The following GOLGA3 variants were observed in gnomAD, a reference collection of about 807,000 sequenced individuals.
GOLGA3 encodes golgin subfamily A member 3.
Under a neutral mutation model 169.4 loss-of-function variants are expected in GOLGA3, and 75 were observed. The observed-to-expected ratio is 0.44, with a 90% CI of 0.37 to 0.54. The LOEUF is 0.54. GOLGA3 is among the 20% of genes least tolerant of loss of function. The pLI, the probability that GOLGA3 is intolerant of heterozygous loss-of-function variation, is 0.00. For synonymous variants in GOLGA3, 824 were observed against 822.4 expected, an observed-to-expected ratio of 1.00 and a Z score of -0.03; for missense variants, 1,899 against 1,930.0, an observed-to-expected ratio of 0.98 and a Z score of 0.30.
intron 15 of GOLGA3, among the ~76,000 whole-genome samples, chr12:132,786,083 G>A (rs1329372576): frequency 1.3e-5 from 2 of 152,238 alleles, no homozygotes; most frequent in Non-Finnish European, 2.9e-5. Context: ...ACTTCTCTGA[G>A]CCAAGGAGAT....
rs771300671 is a variant in GOLGA3 at position 132,782,415 on chromosome 12, G to C, written c.3346C>G (p.His1116Asp). The C allele has an allele frequency of 1.2e-6, 2 of 1,613,954 alleles. No individual in the cohort carries two copies. Among genetic ancestry groups the C allele is most frequent in the Admixed American group, 3.3e-5 (2 of 60,032 alleles). Reference sequence around the variant, plus strand: ...AGGCCCGTAAGCTTCCCTTTCTCGTGCTCTAATTCAAGAGCCAACTTCTTG... The same window carrying C: ...AGGCCCGTAAGCTTCCCTTTCTCGTCCTCTAATTCAAGAGCCAACTTCTTG... ...SNKKLALELE[H>D]EKGKLTGLGQ... Residue 1116 changes from histidine (H) to aspartate (D), a missense_variant, in exon 17 of 24, where the codon CAC becomes GAC. By Grantham distance (81) the His-to-Asp change is moderately conservative. Coordinates refer to ENST00000450791, the MANE Select transcript of GOLGA3 (RefSeq NM_001389683.1).
intron 2 of GOLGA3, among the ~76,000 whole-genome samples, chr12:132,820,847 C>T (rs1472354863): frequency 6.6e-6 from 1 of 152,124 alleles, no homozygotes; most frequent in Non-Finnish European, 1.5e-5. Flanking sequence ...CTCCTGTAAT[C>T]CCAGCACTTT....
intron 2 of GOLGA3, among the ~76,000 whole-genome samples, chr12:132,818,437 T>TTA (rs1280467398): frequency 6.6e-6 from 1 of 152,124 alleles, no homozygotes; most frequent in Admixed American, 6.5e-5. Flanking sequence ...TTTTTGGTCT[T>TTA]TTTAGTAGAG....
At chr12:132,774,068 A>G in intron 23 of GOLGA3, 89 bp downstream of exon 23, 4 of 1,241,132 alleles carry the variant, frequency 3.2e-6, no homozygotes, top group Non-Finnish European at 4.5e-6. Flanking sequence ...TCTGCTGGGC[A>G]CTCAGTACTG....
In GOLGA3 at chr12:132,801,942, G is replaced by A; in HGVS notation, c.1625C>T (p.Ala542Val). The change falls in exon 8 of 24, where the codon GCC (alanine) becomes GTC (valine). Residue 542 changes from alanine (A) to valine (V), a missense_variant. Transcript: ENST00000450791. ...TVHDLRQQMT[A>V]LQSQLQQVQL... is the part of the protein sequence containing the mutation. ...CACCTGCTGAAGCTGGCTCTGCAAG[G>A]CTGTCATCTGCTGTCGCAGGTCGTG... 1 of 1,599,246 alleles carries A rather than the reference G, an allele frequency of 6.3e-7. No homozygotes were observed. The highest frequency in any genetic ancestry group is 8.5e-7 in the Non-Finnish European group (1 of 1,178,806).
At chr12:132,789,426 T>A (rs2046106324) in intron 12 of GOLGA3, 136 bp from the exon 13 acceptor site, 1 of 715,270 alleles carries the variant, frequency 1.4e-6, no homozygotes, top group African/African-American at 1.8e-5. Flanking sequence ...ATACATTTCA[T>A]CAAATCTAAG....
In GOLGA3 at chr12:132,772,797, C is replaced by T. The variant is rs936258218; in HGVS notation, c.*308G>A. ...AGTTACGCAGCCTCTCCCTGTCACC[C>T]GCAGAGAGCAGCATCGGTGGCCGCT... is the stretch of plus-strand genomic sequence containing the variant. On this transcript the variant is annotated 3_prime_UTR_variant, in exon 24 of 24. Transcript: ENST00000450791. 1.8e-4 allele frequency: 45 copies of T among 255,878 alleles called. No individual in the cohort carries two copies. The highest frequency in any genetic ancestry group is 9.2e-4 in the African/African-American group (41 of 44,668). 15.9% of individuals were successfully genotyped at this position (255,878 alleles called of 1,614,324 possible). A position where few individuals can be genotyped will look rare whatever the true frequency, so the allele number is the denominator to read the frequency against.
chr12:132,801,149 A>G (rs1456917231), intron 8 of GOLGA3, among the ~76,000 whole-genome samples: 1 of 152,120 alleles, frequency 6.6e-6, no homozygotes, highest in African/African-American at 2.4e-5. Flanking sequence ...ACGGACACAC[A>G]CTCCCACATA....
intron 16 of GOLGA3, among the ~76,000 whole-genome samples, chr12:132,783,211 A>AATGGACACCACACAACCCTACG (rs2045703568): frequency 6.6e-6 from 1 of 150,866 alleles, no homozygotes; most frequent in African/African-American, 2.4e-5. Context: ...AACAAAGAAC[A>AATGGACACCACACAACCCTACG]ATGGACACCA....
intron 11 of GOLGA3, 59 bp from the exon 12 acceptor site, chr12:132,791,352 C>A: frequency 1.1e-6 from 1 of 937,052 alleles, no homozygotes; most frequent in East Asian, 2.6e-5. Context: ...AATCTGTCTG[C>A]ACAGATGTTA....
At chr12:132,826,923 C>T (rs1409629483) in intron 1 of GOLGA3, among the ~76,000 whole-genome samples, 1 of 152,262 alleles carries the variant, frequency 6.6e-6, no homozygotes, top group East Asian at 1.9e-4. Flanking sequence ...AATAAAGAGG[C>T]CAGTCTAATC....
chr12:132,800,703 G>A (rs1034159749), intron 8 of GOLGA3, among the ~76,000 whole-genome samples: 1 of 152,216 alleles, frequency 6.6e-6, no homozygotes, highest in Non-Finnish European at 1.5e-5. Context: ...GCTCACGCCT[G>A]TAATCCCAAC....
At position 132,813,119 on chromosome 12, in the gene GOLGA3, C is replaced by T. The variant is rs1949795796; in HGVS notation, c.519+188G>A. Among the ~76,000 whole-genome samples the T allele has an allele frequency of 2.0e-5, 3 of 152,196 alleles. No homozygotes were observed. In the South Asian group the frequency reaches 6.2e-4, roughly 31 times the overall value. On this transcript the variant is annotated intron_variant, in intron 4 of 23. Transcript: ENST00000450791. ...TGGTCCAGAACTGAACCCACAGTACCTCTGAGGTCACCCGTGTTTGCTTTC... is the reference window on the plus strand; with the variant it reads ...TGGTCCAGAACTGAACCCACAGTACTTCTGAGGTCACCCGTGTTTGCTTTC...
In GOLGA3 at chr12:132,784,275, C is replaced by A. The variant is rs1440721979; in HGVS notation, c.3156G>T (p.Gln1052His). ...GCAGCGTCTTGCTATGACTGACAGC[C>A]TGCAGCTCCGCCTCCAGGGCCTGGA... ...ERIQALEAEL[Q>H]AVSHSKTLLE... Residue 1052 changes from glutamine to histidine, a missense_variant, in exon 16 of 24, where the codon CAG (glutamine) becomes CAT (histidine). Physicochemically the swap from Gln to His is conservative, Grantham distance 24. Coordinates refer to ENST00000450791, the MANE Select transcript of GOLGA3 (RefSeq NM_001389683.1). 5.6e-6 allele frequency: 9 copies of A among 1,610,066 alleles called. No homozygotes were observed. In the Admixed American group the frequency reaches 1.5e-4, roughly 27 times the overall value.
In GOLGA3 at chr12:132,808,233, C is replaced by G. The variant is rs1949519165; in HGVS notation, c.836G>C (p.Ser279Thr). 6.2e-6 allele frequency: 10 copies of G among 1,613,954 alleles called. 1 individual carries two copies. The highest frequency in any genetic ancestry group is 7.6e-6 in the Non-Finnish European group (9 of 1,180,020). Residue 279 changes from serine (S) to threonine (T), a missense_variant, in exon 5 of 24, where the codon AGT becomes ACT. Ser to Thr is a moderately conservative substitution (Grantham distance 58). Coordinates refer to ENST00000450791, the MANE Select transcript of GOLGA3 (RefSeq NM_001389683.1). ...GATCTCAGACACAACGGACGCCGCA[C>G]TGCTTCTGTTCTGCTTCAGGGAACC... ...TKGSLKQNRS[S>T]AASVVSEISL...
intron 9 of GOLGA3, among the ~76,000 whole-genome samples, chr12:132,798,057 G>T (rs757431398): frequency 6.6e-6 from 1 of 151,994 alleles, no homozygotes; most frequent in African/African-American, 2.4e-5. Context: ...GAAAAGAGCC[G>T]CAAGTGCTCA....
chr12:132,804,199 G>A lies in GOLGA3; in HGVS notation c.1597+517C>T, dbSNP rs1006570303. Among the ~76,000 whole-genome samples the A allele has an allele frequency of 2.0e-5, 3 of 152,242 alleles. No homozygotes were observed. Among genetic ancestry groups the A allele is most frequent in the South Asian group, 2.1e-4 (1 of 4,838 alleles). ...GGGAGAAAAGGTTGCCAGACGGACAGTCAAGGAGCTGTTCTTGAATATTTT... is the reference window on the plus strand; with the variant it reads ...GGGAGAAAAGGTTGCCAGACGGACAATCAAGGAGCTGTTCTTGAATATTTT... On this transcript the variant is annotated intron_variant, in intron 7 of 23. Transcript: ENST00000450791. The surrounding 1 kb of genome is among the most constrained non-coding windows in gnomAD (Gnocchi z 4.1).
chr12:132,777,282 T>G lies in GOLGA3; in HGVS notation c.3723-192A>C, dbSNP rs2045299542. Among the ~76,000 whole-genome samples, 1 of 152,106 alleles carries G rather than the reference T, an allele frequency of 6.6e-6. No individual in the cohort carries two copies. Among genetic ancestry groups the G allele is most frequent in the South Asian group, 2.1e-4 (1 of 4,832 alleles). ...CTCACGAAGCACCTGAGACTCACAC[T>G]TCACTGGCACCCCTCACAGATCCCA... On this transcript the variant is annotated intron_variant, in intron 19 of 23. Transcript: ENST00000450791. The surrounding 1 kb of genome is among the most constrained non-coding windows in gnomAD (Gnocchi z 4.7).
At position 132,777,783 on chromosome 12, in the gene GOLGA3, G is replaced by T; in HGVS notation, c.3605C>A (p.Ala1202Asp). ...CTTGAAGTGGCGGCGGTTATGCCCG[G>T]CTTCCACCTTGGCAGCAGCCACCTA... ...KEQVAAAKVEAGHNRRHFKAA... is the reference protein window; with the variant it reads ...KEQVAAAKVEDGHNRRHFKAA... The change falls in exon 19 of 24, where the codon GCC becomes GAC. Residue 1202 changes from alanine (A) to aspartate (D), a missense_variant. By Grantham distance (126) the Ala-to-Asp change is moderately radical (BLOSUM62 -2). Coordinates refer to ENST00000450791, the MANE Select transcript of GOLGA3 (RefSeq NM_001389683.1). This position sits in a 1 kb window ranked among gnomAD's most constrained non-coding sequence, Gnocchi z 4.7. The T allele has an allele frequency of 6.2e-7, 1 of 1,613,604 alleles. No homozygotes were observed. Among genetic ancestry groups the T allele is most frequent in the East Asian group, 2.2e-5 (1 of 44,864 alleles).
Sources: gnomAD v4.1 joint callset for allele counts (sites outside exome capture counted in the v4.1 genomes callset) on GRCh38, gnomAD v4.1.1 for gene constraint, Gnocchi (gnomAD v3.1) non-coding constraint, MANE v1.5 for transcripts, NCBI Gene and HGNC (gene_info 2026-07-23, HGNC 2026-07-21) for gene names.